The following GPM6B variants were observed in gnomAD, a reference collection of about 807,000 sequenced individuals.
GPM6B encodes glycoprotein M6B, also known as neuronal membrane glycoprotein M6-b.
GPM6B carries 4 observed loss-of-function variants against 27.2 expected under a neutral mutation model. That is an observed-to-expected ratio of 0.15 (90% CI 0.07 to 0.34). The LOEUF (loss-of-function observed/expected upper bound fraction) is 0.34, where lower values mean the gene tolerates loss of function less well. GPM6B is among the 10% of genes least tolerant of loss of function. The pLI, the probability that GPM6B is intolerant of heterozygous loss-of-function variation, is 1.00. For synonymous variants in GPM6B, 124 were observed against 103.1 expected (o/e 1.20, Z -1.23); for missense variants, 183 against 261.9 (o/e 0.70, Z 2.08).
intron 1 of GPM6B, among the ~76,000 whole-genome samples, chrX:13,844,051 T>C (rs1410617196): frequency 2.7e-5 from 3 of 112,266 alleles, no homozygotes; most frequent in Non-Finnish European, 5.6e-5. Flanking sequence ...TCTAGGTCTA[T>C]GATCCATCGT....
chrX:13,832,835 G>A (rs2049453502), intron 1 of GPM6B, among the ~76,000 whole-genome samples: 1 of 111,641 alleles, frequency 9.0e-6, no homozygotes, highest in Non-Finnish European at 1.9e-5. Context: ...ATCCTATTGG[G>A]TAGAAAGGGC....
chrX:13,907,032 C>T (rs1603128738), intron 1 of GPM6B, among the ~76,000 whole-genome samples: 1 of 112,419 alleles, frequency 8.9e-6, no homozygotes, highest in South Asian at 3.7e-4. Context: ...AGTCTCTATG[C>T]TTTTTCTGTT....
chrX:13,846,615 C>G (rs1476057809), intron 1 of GPM6B, among the ~76,000 whole-genome samples: 1 of 109,146 alleles, frequency 9.2e-6, no homozygotes, highest in Non-Finnish European at 1.9e-5. Context: ...CTCAGCCTCC[C>G]AAGTAGCTGG....
chrX:13,865,673 C>T (rs2049908070), intron 1 of GPM6B, among the ~76,000 whole-genome samples: 1 of 107,630 alleles, frequency 9.3e-6, no homozygotes, highest in African/African-American at 3.4e-5. Flanking sequence ...AGGAGGATCA[C>T]TTGAGTCCAA....
In GPM6B at chrX:13,904,537, T is replaced by C. The variant is rs764572160; in HGVS notation, c.-198+33790A>G. Among the ~76,000 whole-genome samples the C allele has an allele frequency of 5.4e-5, 6 of 111,941 alleles. No homozygotes were observed. The East Asian group carries it at 8.4e-4, about 16-fold the overall frequency. ...CTCCAGATCAGGGGTTAGCAAACTA[T>C]AGCACAAATCAAATTATATCGACAC... On this transcript the variant is annotated intron_variant, in intron 1 of 6. Coordinates refer to the GPM6B transcript ENST00000398361.
At chrX:13,831,577 C>G (rs765684448) in intron 1 of GPM6B, among the ~76,000 whole-genome samples, 1 of 111,525 alleles carries the variant, frequency 9.0e-6, no homozygotes, top group Non-Finnish European at 1.9e-5. Context: ...TCTGACTGTA[C>G]AGGTCAAGTG....
chrX:13,920,305 A>G (rs1292593844), intron 1 of GPM6B, among the ~76,000 whole-genome samples: 1 of 87,146 alleles, frequency 1.1e-5, no homozygotes, highest in African/African-American at 3.7e-5. Context: ...AAGAAAGAAA[A>G]AAAAAGAAAG....
chrX:13,805,823 T>C (rs781366523), intron 2 of GPM6B, among the ~76,000 whole-genome samples: 15 of 111,559 alleles, frequency 1.3e-4, no homozygotes, highest in African/African-American at 4.6e-4. Flanking sequence ...TGGCCTGATG[T>C]CATTCAACAC....
chrX:13,912,811 A>T (rs1435246556), intron 1 of GPM6B, among the ~76,000 whole-genome samples: 1 of 111,779 alleles, frequency 8.9e-6, no homozygotes, highest in Non-Finnish European at 1.9e-5. Flanking sequence ...TGCACTTGAT[A>T]CAATCTTGGC....
At chrX:13,916,013 C>T (rs1318765363) in intron 1 of GPM6B, among the ~76,000 whole-genome samples, 1 of 111,916 alleles carries the variant, frequency 8.9e-6, no homozygotes, top group African/African-American at 3.2e-5. Flanking sequence ...TTAAATATCC[C>T]CTAAGAGGCT....
intron 1 of GPM6B, among the ~76,000 whole-genome samples, chrX:13,905,764 C>T (rs1292386891): frequency 9.0e-6 from 1 of 111,444 alleles, no homozygotes; most frequent in African/African-American, 3.3e-5. Flanking sequence ...GTTTCCTAGC[C>T]TTGTACCACA....
intron 2 of GPM6B, among the ~76,000 whole-genome samples, chrX:13,806,862 G>A (rs1038302219): frequency 1.8e-5 from 2 of 112,110 alleles, no homozygotes; most frequent in African/African-American, 6.5e-5. Flanking sequence ...TGCATTTTAT[G>A]TAGTTTGAAC....
At chrX:13,823,238 C>G (rs1189924437) in intron 1 of GPM6B, among the ~76,000 whole-genome samples, 9 of 112,265 alleles carry the variant, frequency 8.0e-5, no homozygotes, top group Non-Finnish European at 1.5e-4. Context: ...GGTAAAGCTA[C>G]GTGAACTATA....
At chrX:13,899,263 T>C (rs1357555098) in intron 1 of GPM6B, among the ~76,000 whole-genome samples, 3 of 107,047 alleles carry the variant, frequency 2.8e-5, no homozygotes, top group African/African-American at 1.0e-4. Flanking sequence ...ATACAAAAAT[T>C]AGCCATGCGT....
upstream of GPM6B, among the ~76,000 whole-genome samples, chrX:13,820,431 C>G (rs2049295238): frequency 9.0e-6 from 1 of 110,574 alleles, no homozygotes; most frequent in Admixed American, 9.6e-5. Context: ...GGGAGATTAT[C>G]AAGCGTGGTT....
At chrX:13,871,114 CAAAAA>C (rs372420351) in intron 1 of GPM6B, among the ~76,000 whole-genome samples, 13 of 95,126 alleles carry the variant, frequency 1.4e-4, no homozygotes, top group African/African-American at 5.0e-4. Flanking sequence ...CAAAACAAAA[CAAAAA>C]AAAAAGAAGT....
At chrX:13,900,983 CA>C (rs1262314808) in intron 1 of GPM6B, among the ~76,000 whole-genome samples, 1 of 111,958 alleles carries the variant, frequency 8.9e-6, no homozygotes, top group African/African-American at 3.2e-5. Flanking sequence ...AGGCTATATG[CA>C]AACCCCTGTA....
At chrX:13,825,468 G>A (rs1477246408) in intron 1 of GPM6B, among the ~76,000 whole-genome samples, 3 of 112,338 alleles carry the variant, frequency 2.7e-5, no homozygotes, top group Non-Finnish European at 3.8e-5. Context: ...CTCGAAGGAC[G>A]CACAAGATGT....
intron 2 of GPM6B, among the ~76,000 whole-genome samples, chrX:13,803,412 C>T (rs768799042): frequency 9.0e-6 from 1 of 111,337 alleles, no homozygotes. Context: ...CCTCCTCTCC[C>T]GACATCCTCT....
Sources: allele counts gnomAD v4.1 joint callset (sites outside exome capture counted in the v4.1 genomes callset), GRCh38; gene constraint gnomAD v4.1.1; transcripts MANE v1.5; gene names NCBI Gene and HGNC (gene_info 2026-07-23, HGNC 2026-07-21).